Variants in EMG1 observed in about 807,000 individuals in gnomAD.
The protein encoded by EMG1 is EMG1 N1-specific pseudouridine methyltransferase.
In EMG1, 24 loss-of-function variants were observed where a neutral mutation model predicts 26.9. The observed-to-expected ratio is 0.89, with a 90% confidence interval of 0.65 to 1.26. The LOEUF (loss-of-function observed/expected upper bound fraction) is 1.26. EMG1 is among the 50% of genes most tolerant of loss of function. The probability of loss-of-function intolerance (pLI) is 0.00; values close to 1 mark genes in which losing one functional copy is unlikely to be tolerated. For synonymous variants in EMG1, 140 were observed against 112.6 expected (o/e 1.24, Z -1.54); for missense variants, 299 against 307.6 (o/e 0.97, Z 0.21).
chr12:6,982,669 C>T (rs782061795), downstream of EMG1: 35 of 1,598,790 alleles, frequency 2.2e-5, no homozygotes, highest in African/African-American at 9.4e-5. Flanking sequence ...AAGGGAAAGA[C>T]GTTTACCATC....
At position 6,976,026 on chromosome 12, in the gene EMG1, G is replaced by A. The variant is rs921656717; in HGVS notation, c.*217G>A. On this transcript the variant is annotated 3_prime_UTR_variant, in exon 6 of 6. Transcript: ENST00000599672. ...AGTATCCAGTGGTGTAAAACTGTTT[G>A]TTCCCCGGGACTTCAGGGACAGATA... 4.5e-5 allele frequency: 22 copies of A among 484,138 alleles called. No individual in the cohort carries two copies. The highest frequency in any genetic ancestry group is 7.0e-5 in the Non-Finnish European group (19 of 270,744). 30.0% of individuals were successfully genotyped at this position (484,138 alleles called of 1,614,324 possible).
chr12:6,990,933 GGAA>G (rs1303234913), downstream of EMG1, among the ~76,000 whole-genome samples: 1 of 133,662 alleles, frequency 7.5e-6, no homozygotes, highest in Non-Finnish European at 1.6e-5. Flanking sequence ...AAAAAAAAAA[GGAA>G]GAAAATAAAA....
rs147741167 is a variant in EMG1 at position 6,977,181 on chromosome 12, C to T, written c.*1372C>T. ...TTCTTTAACTTCTCTTTCCTTGGCA[C>T]CATTGCTTTGTGAATATAAGGCAAT... On this transcript the variant is annotated 3_prime_UTR_variant, in exon 6 of 6. Transcript: ENST00000599672. This position sits in a 1 kb window ranked among gnomAD's most constrained non-coding sequence, Gnocchi z 4.5. 7.0e-5 allele frequency: 113 copies of T among 1,613,214 alleles called. No individual in the cohort carries two copies. In the African/African-American group the frequency reaches 1.3e-3, roughly 19 times the overall value.
intron 1 of EMG1, among the ~76,000 whole-genome samples, chr12:6,973,463 TG>T (rs1946356947): frequency 1.3e-5 from 2 of 151,186 alleles, no homozygotes; most frequent in South Asian, 4.2e-4. Flanking sequence ...CCACTGCATC[TG>T]CCCCCATGCC....
rs74396478 is a variant in EMG1 at position 6,975,741 on chromosome 12, C to T, written c.667C>T (p.Pro223Ser). ...GAAGATGGTGTCCATCAGTAACTACCCCCTTTCTGCTGCCCTCACCTGTGC... is the reference window on the plus strand; with the variant it reads ...GAAGATGGTGTCCATCAGTAACTACTCCCTTTCTGCTGCCCTCACCTGTGC... Reference protein sequence around the residue: ...TEKMVSISNYPLSAALTCAKL... With the variant: ...TEKMVSISNYSLSAALTCAKL... Residue 223 changes from proline to serine, a missense_variant, in exon 6 of 6, where the codon CCC becomes TCC. Pro to Ser is a moderately conservative substitution (Grantham distance 74). Coordinates refer to ENST00000599672, the MANE Select transcript of EMG1 (RefSeq NM_006331.8). The T allele has an allele frequency of 6.2e-6, 10 of 1,613,614 alleles. No homozygotes were observed. Among genetic ancestry groups the T allele is most frequent in the Non-Finnish European group, 8.5e-6 (10 of 1,179,550 alleles).
chr12:6,983,849 A>C (rs1343784315), downstream of EMG1, among the ~76,000 whole-genome samples: 1 of 152,218 alleles, frequency 6.6e-6, no homozygotes, highest in East Asian at 1.9e-4. Context: ...ATTTTAAAAA[A>C]TGATACAAGG....
downstream of EMG1, among the ~76,000 whole-genome samples, chr12:6,984,179 T>C (rs1467786823): frequency 6.6e-6 from 1 of 152,234 alleles, no homozygotes; most frequent in Non-Finnish European, 1.5e-5. Flanking sequence ...CAGTCTGTAA[T>C]CTGGGCATCA....
At chr12:6,991,237 CACAG>C (rs782564187), downstream of EMG1, among the ~76,000 whole-genome samples, 2 of 152,162 alleles carry the variant, frequency 1.3e-5, no homozygotes, top group Non-Finnish European at 2.9e-5. Flanking sequence ...TCTGGCTTTA[CACAG>C]ACAGAGAAAG....
rs782474568 is a variant in EMG1 at position 6,978,713 on chromosome 12, A to G, written c.*2904A>G. 1 of 1,613,258 alleles carries G rather than the reference A, an allele frequency of 6.2e-7. No individual in the cohort carries two copies. The highest frequency in any genetic ancestry group is 8.5e-7 in the Non-Finnish European group (1 of 1,179,622). On this transcript the variant is annotated 3_prime_UTR_variant, in exon 6 of 6. Coordinates refer to ENST00000599672, the MANE Select transcript of EMG1 (RefSeq NM_006331.8). Reference sequence around the variant, plus strand: ...TTCTTGAGGGAAGAAAGCACAGTGCATTAGGGATATCACATGACTAGGCAG... The same window carrying G: ...TTCTTGAGGGAAGAAAGCACAGTGCGTTAGGGATATCACATGACTAGGCAG...
downstream of EMG1, among the ~76,000 whole-genome samples, chr12:6,992,324 CA>C (rs1234943370): frequency 3.9e-3 from 511 of 132,420 alleles, no homozygotes; most frequent in Middle Eastern, 0.011. Context: ...GACCCTGCCT[CA>C]AAAAAAAAAA....
chr12:6,985,256 T>C (rs200387348), intron 6 of EMG1, among the ~76,000 whole-genome samples: 1 of 146,500 alleles, frequency 6.8e-6, no homozygotes, highest in Non-Finnish European at 1.5e-5. Context: ...ATTAGCCGGG[T>C]GTGGTGGCGG....
intron 7 of EMG1, among the ~76,000 whole-genome samples, chr12:6,994,166 A>T (rs782669120): frequency 6.6e-6 from 1 of 152,136 alleles, no homozygotes; most frequent in African/African-American, 2.4e-5. Flanking sequence ...TATGTTTTCA[A>T]TTCTCTTGGG....
chr12:6,977,301 G>C lies in EMG1; in HGVS notation c.*1492G>C. 6.2e-7 allele frequency: 1 copy of C among 1,611,704 alleles called. No homozygotes were observed. Among genetic ancestry groups the C allele is most frequent in the Non-Finnish European group, 8.5e-7 (1 of 1,177,830 alleles). On this transcript the variant is annotated 3_prime_UTR_variant, in exon 6 of 6. Transcript: ENST00000599672. The surrounding 1 kb of genome is among the most constrained non-coding windows in gnomAD (Gnocchi z 4.5). ...GGCCACTAAGGTAGACAGGCCTGGA[G>C]TGTCCTTTGCAACCTTTGAGGTTGC...
Position 6,975,123 on chromosome 12 carries a change from C to T in EMG1, c.446C>T (p.Ala149Val). The change falls in exon 4 of 6, where the codon GCT becomes GTT. Residue 149 changes from alanine to valine, a missense_variant. By Grantham distance (64) the Ala-to-Val change is moderately conservative. Transcript: ENST00000599672. Reference sequence around the variant, plus strand: ...TTACACAAGCTCAGTGTTCGAGCAGCTGATGGCCCCCAGAAGCTTTTGAAG... The same window carrying T: ...TTACACAAGCTCAGTGTTCGAGCAGTTGATGGCCCCCAGAAGCTTTTGAAG... ...QLLHKLSVRA[A>V]DGPQKLLKVI... 2 of 1,614,068 alleles carry T rather than the reference C, an allele frequency of 1.2e-6. No individual in the cohort carries two copies. The highest frequency in any genetic ancestry group is 1.7e-6 in the Non-Finnish European group (2 of 1,179,912).
Position 6,975,727 on chromosome 12 carries a change from C to A in EMG1, c.653C>A (p.Ser218Tyr), listed in dbSNP as rs1371430452. ...GTGGAGTATACAGAGAAGATGGTGT[C>A]CATCAGTAACTACCCCCTTTCTGCT... Reference protein sequence around the residue: ...VSVEYTEKMVSISNYPLSAAL... With the variant: ...VSVEYTEKMVYISNYPLSAAL... Residue 218 changes from serine to tyrosine, a missense_variant, in exon 6 of 6, where the codon TCC becomes TAC. Ser to Tyr is a moderately radical substitution (Grantham distance 144, BLOSUM62 -2). Coordinates refer to ENST00000599672, the MANE Select transcript of EMG1 (RefSeq NM_006331.8). 6.2e-7 allele frequency: 1 copy of A among 1,612,912 alleles called. No individual in the cohort carries two copies. Among genetic ancestry groups the A allele is most frequent in the Non-Finnish European group, 8.5e-7 (1 of 1,178,998 alleles).
chr12:6,973,744 G>GT (rs1946360061), intron 1 of EMG1, among the ~76,000 whole-genome samples: 2 of 151,528 alleles, frequency 1.3e-5, no homozygotes, highest in African/African-American at 4.9e-5. Flanking sequence ...GGGTTTCACC[G>GT]TGTTAGCCAC....
chr12:6,972,844 T>C (rs1428349483), intron 1 of EMG1, among the ~76,000 whole-genome samples: 1 of 152,166 alleles, frequency 6.6e-6, no homozygotes, highest in Non-Finnish European at 1.5e-5. Context: ...TTTTTCTTTT[T>C]TGTTTCTTTT....
At chr12:6,975,665 G>C (rs1398329068) in intron 5 of EMG1, 31 bp from the exon 6 acceptor site, 2 of 1,422,966 alleles carry the variant, frequency 1.4e-6, no homozygotes, top group South Asian at 1.1e-5. Flanking sequence ...CTGAGTGACA[G>C]AGTTGGCTGA....
In EMG1 at chr12:6,996,457, T is replaced by C. The variant is rs138265192; in HGVS notation, c.*212-768T>C. On this transcript the variant is annotated intron_variant and NMD_transcript_variant, in intron 7 of 7. Coordinates refer to the EMG1 transcript ENST00000607161. ...TCTCAGTACTTATTACCTTTTGACA[T>C]ACCATATATCTTACTTTTCAGTCTT... Among the ~76,000 whole-genome samples the C allele has an allele frequency of 6.6e-5, 10 of 152,312 alleles. No individual in the cohort carries two copies. The East Asian group carries it at 1.9e-3, about 29-fold the overall frequency.
Sources: allele counts gnomAD v4.1 joint callset (sites outside exome capture counted in the v4.1 genomes callset), GRCh38; gene constraint gnomAD v4.1.1; non-coding constraint Gnocchi (gnomAD v3.1); transcripts MANE v1.5; gene names NCBI Gene and HGNC (gene_info 2026-07-23, HGNC 2026-07-21).